Variants in STX8 observed in about 807,000 individuals in gnomAD.
STX8 encodes the protein syntaxin-8.
A neutral mutation model predicts 37.5 loss-of-function variants in STX8; 23 were observed. The ratio of observed to expected loss-of-function variants is 0.61; its 90% CI spans 0.44 to 0.87. STX8 has a LOEUF of 0.87. STX8 is among the 40% of genes least tolerant of loss of function. The pLI, the probability that STX8 is intolerant of heterozygous loss-of-function variation, is 0.00. For synonymous variants in STX8, 115 were observed against 99.1 expected (o/e 1.16, Z -0.95); for missense variants, 313 against 284.7 (o/e 1.10, Z -0.71).
chr17:9,347,673 T>G (rs1910578635), intron 7 of STX8, among the ~76,000 whole-genome samples: 1 of 152,130 alleles, frequency 6.6e-6, no homozygotes, highest in Non-Finnish European at 1.5e-5. Flanking sequence ...CCTGCCACCA[T>G]GCCCAGCTAA....
intron 2 of STX8, among the ~76,000 whole-genome samples, chr17:9,565,600 GAA>G (rs1907424157): frequency 3.0e-5 from 2 of 67,438 alleles, no homozygotes; most frequent in East Asian, 9.5e-4. Context: ...TAGGTGAGAA[GAA>G]ACACCGTCTC....
At chr17:9,456,822 A>C (rs1905198485) in intron 6 of STX8, among the ~76,000 whole-genome samples, 1 of 152,172 alleles carries the variant, frequency 6.6e-6, no homozygotes, top group African/African-American at 2.4e-5. Flanking sequence ...ACAAAAAAAA[A>C]GTTCTAAGTT....
At chr17:9,416,439 A>G (rs139461822) in intron 6 of STX8, among the ~76,000 whole-genome samples, 4,517 of 151,926 alleles carry the variant, frequency 0.03, 244 homozygotes, top group African/African-American at 0.1. Flanking sequence ...GCACGATCTC[A>G]GTTCACTGAA....
At chr17:9,387,420 C>T (rs1381234599) in intron 6 of STX8, among the ~76,000 whole-genome samples, 6 of 152,112 alleles carry the variant, frequency 3.9e-5, no homozygotes, top group African/African-American at 9.7e-5. Flanking sequence ...CTCAGCCTCC[C>T]GAGTAATGGG....
intron 7 of STX8, among the ~76,000 whole-genome samples, chr17:9,323,391 G>C (rs1597604124): frequency 6.6e-6 from 1 of 152,114 alleles, no homozygotes; most frequent in Non-Finnish European, 1.5e-5. Flanking sequence ...TTTTCTTCAA[G>C]AGCTATGATT....
intron 4 of STX8, among the ~76,000 whole-genome samples, chr17:9,530,945 C>G (rs1442908544): frequency 6.6e-6 from 1 of 152,208 alleles, no homozygotes; most frequent in Admixed American, 6.5e-5. Context: ...TCTGGTTCAA[C>G]CCTTCACATT....
At chr17:9,334,146 T>C (rs1200200121) in intron 7 of STX8, among the ~76,000 whole-genome samples, 1 of 69,872 alleles carries the variant, frequency 1.4e-5, no homozygotes. Flanking sequence ...TGCGGGGGGG[T>C]GTGGGGGTGG....
chr17:9,312,231 C>T (rs1280387672), intron 7 of STX8, among the ~76,000 whole-genome samples: 4 of 143,404 alleles, frequency 2.8e-5, no homozygotes, highest in Non-Finnish European at 4.6e-5. Flanking sequence ...GATGGAGTTT[C>T]GTTCTTGTTG....
chr17:9,423,334 T>C (rs1028937734), intron 6 of STX8, among the ~76,000 whole-genome samples: 8 of 152,208 alleles, frequency 5.3e-5, no homozygotes, highest in African/African-American at 1.7e-4. Flanking sequence ...TTGTTGTCGT[T>C]GTTTTTTGAG....
intron 6 of STX8, among the ~76,000 whole-genome samples, chr17:9,388,377 A>C (rs1032342030): frequency 1.3e-5 from 2 of 151,624 alleles, no homozygotes; most frequent in Admixed American, 6.6e-5. Flanking sequence ...CGGCCTAAAC[A>C]ACTCTACTTT....
At chr17:9,324,232 C>T (rs1482956303) in intron 7 of STX8, among the ~76,000 whole-genome samples, 1 of 152,000 alleles carries the variant, frequency 6.6e-6, no homozygotes, top group Non-Finnish European at 1.5e-5. Flanking sequence ...GGAACTAGAG[C>T]ATGATGGTCA....
chr17:9,354,936 T>C (rs981936363), intron 7 of STX8, among the ~76,000 whole-genome samples: 3 of 152,146 alleles, frequency 2.0e-5, no homozygotes, highest in African/African-American at 7.2e-5. Context: ...AGGGTTAATA[T>C]TTGTCAGTAG....
At chr17:9,527,366 C>T (rs1346245047) in intron 4 of STX8, among the ~76,000 whole-genome samples, 1 of 151,452 alleles carries the variant, frequency 6.6e-6, no homozygotes, top group African/African-American at 2.4e-5. Context: ...ATCACTTGAG[C>T]CCAGGAGTTG....
At chr17:9,274,757 T>C (rs1470140429) in intron 7 of STX8, among the ~76,000 whole-genome samples, 1 of 127,312 alleles carries the variant, frequency 7.9e-6, no homozygotes, top group African/African-American at 2.7e-5. Flanking sequence ...TTTTCTTTTT[T>C]TTTTTTTTTT....
intron 6 of STX8, among the ~76,000 whole-genome samples, chr17:9,393,508 G>T (rs763903026): frequency 6.6e-6 from 1 of 152,172 alleles, no homozygotes; most frequent in South Asian, 2.1e-4. Flanking sequence ...TTCAATGCAC[G>T]TAAGTATAAT....
At chr17:9,441,904 T>C (rs1904673995) in intron 6 of STX8, among the ~76,000 whole-genome samples, 1 of 151,872 alleles carries the variant, frequency 6.6e-6, no homozygotes, top group Non-Finnish European at 1.5e-5. Context: ...CTCAATCTCC[T>C]GACCTCGTGA....
rs559830550 is a variant in STX8, at chr17:9,400,309, G to C, written c.542-21656C>G. 9.9e-5 allele frequency among the ~76,000 whole-genome samples: 15 copies of C among 152,018 alleles called. No homozygotes were observed. In the South Asian group the frequency reaches 3.1e-3, roughly 32 times the overall value. On this transcript the variant is annotated intron_variant, in intron 6 of 7. Transcript: ENST00000306357. ...AATAGAGACGGGATTCACCGTGTTA[G>C]CCAGGATGGTCTCGATCTCCTGACC...
chr17:9,388,780 G>T (rs1225727420), intron 6 of STX8, among the ~76,000 whole-genome samples: 2 of 144,856 alleles, frequency 1.4e-5, no homozygotes, highest in Non-Finnish European at 3.0e-5. Flanking sequence ...TCCAGCCTGG[G>T]CAACAAGAGC....
At chr17:9,400,155 T>C (rs974251105) in intron 6 of STX8, among the ~76,000 whole-genome samples, 1 of 150,282 alleles carries the variant, frequency 6.7e-6, no homozygotes, top group African/African-American at 2.4e-5. Context: ...CAGGCTGGAG[T>C]GCAGTGGCGC....
Sources: gnomAD v4.1 joint callset for allele counts (sites outside exome capture counted in the v4.1 genomes callset) on GRCh38, gnomAD v4.1.1 for gene constraint, MANE v1.5 for transcripts, NCBI Gene and HGNC (gene_info 2026-07-23, HGNC 2026-07-21) for gene names.